The following LRRTM4 variants were observed in gnomAD, a reference collection of about 807,000 sequenced individuals.
LRRTM4 encodes leucine-rich repeat transmembrane neuronal protein 4.
LRRTM4 carries 25 observed loss-of-function variants against 47.6 expected under a neutral mutation model. The observed-to-expected ratio is 0.53, with a 90% confidence interval of 0.38 to 0.73. LRRTM4 has a LOEUF of 0.73. Ranked by LOEUF, LRRTM4 falls within the 30% of genes least tolerant of loss-of-function variation. The pLI, the probability that LRRTM4 is intolerant of heterozygous loss-of-function variation, is 0.00. For missense variants in LRRTM4, 638 were observed against 713.4 expected (o/e 0.89, Z 1.20); for synonymous variants, 311 against 269.5 (o/e 1.15, Z -1.51).
chr2:77,036,898 T>C (rs990196933), intron 3 of LRRTM4, among the ~76,000 whole-genome samples: 7 of 151,734 alleles, frequency 4.6e-5, no homozygotes, highest in African/African-American at 1.7e-4. Flanking sequence ...ATATAGATTA[T>C]TTATTAACCT....
chr2:76,999,512 C>T (rs1396445978), intron 3 of LRRTM4, among the ~76,000 whole-genome samples: 2 of 151,778 alleles, frequency 1.3e-5, no homozygotes, highest in African/African-American at 4.8e-5. Flanking sequence ...AACAGTTTCT[C>T]TCAATTTTTA....
chr2:76,944,135 A>T (rs1408171531), intron 3 of LRRTM4, among the ~76,000 whole-genome samples: 1 of 151,598 alleles, frequency 6.6e-6, no homozygotes, highest in East Asian at 2.0e-4. Context: ...ATCTCTTCTT[A>T]CTCTATTCTG....
intron 3 of LRRTM4, among the ~76,000 whole-genome samples, chr2:77,440,967 C>A (rs1675816212): frequency 6.6e-6 from 1 of 152,202 alleles, no homozygotes; most frequent in Non-Finnish European, 1.5e-5. Flanking sequence ...TGTGCAATTG[C>A]ACATGTTGTA....
chr2:77,213,607 A>C (rs1373844497), intron 3 of LRRTM4, among the ~76,000 whole-genome samples: 1 of 152,198 alleles, frequency 6.6e-6, no homozygotes, highest in Non-Finnish European at 1.5e-5. Flanking sequence ...ATTTTCCAAC[A>C]ACAAAAGATA....
intron 3 of LRRTM4, among the ~76,000 whole-genome samples, chr2:77,272,816 A>G (rs1276291250): frequency 6.6e-6 from 1 of 152,140 alleles, no homozygotes; most frequent in Non-Finnish European, 1.5e-5. Flanking sequence ...GATCTCTTGC[A>G]CATACTGGAG....
chr2:77,150,098 T>C (rs1247320399), intron 3 of LRRTM4, among the ~76,000 whole-genome samples: 1 of 152,074 alleles, frequency 6.6e-6, no homozygotes, highest in Non-Finnish European at 1.5e-5. Context: ...TGATACAGAA[T>C]TTGAACCTTA....
chr2:77,291,557 A>T (rs1332134259), intron 3 of LRRTM4, among the ~76,000 whole-genome samples: 1 of 152,130 alleles, frequency 6.6e-6, no homozygotes, highest in Non-Finnish European at 1.5e-5. Context: ...ATATAACAGC[A>T]TTCACATACA....
At chr2:76,784,995 TCC>T (rs1383762536) in intron 3 of LRRTM4, among the ~76,000 whole-genome samples, 22 of 152,014 alleles carry the variant, frequency 1.4e-4, no homozygotes, top group African/African-American at 5.3e-4. Context: ...TTTCATTTTA[TCC>T]AAATTTCATA....
chr2:76,900,456 A>G (rs1673586258), intron 3 of LRRTM4, among the ~76,000 whole-genome samples: 1 of 152,102 alleles, frequency 6.6e-6, no homozygotes, highest in South Asian at 2.1e-4. Flanking sequence ...ACATTAAGTT[A>G]TATATTTATG....
chr2:76,749,003 C>T (rs1641191950), intron 3 of LRRTM4, 87 bp from the exon 4 acceptor site: 13 of 1,056,164 alleles, frequency 1.2e-5, no homozygotes, highest in Non-Finnish European at 1.8e-5. Flanking sequence ...TTTTTGTTCT[C>T]TTTCATGCTG....
At chr2:77,251,804 G>T (rs939549233) in intron 3 of LRRTM4, among the ~76,000 whole-genome samples, 1 of 152,018 alleles carries the variant, frequency 6.6e-6, no homozygotes, top group Non-Finnish European at 1.5e-5. Flanking sequence ...CACATACATG[G>T]TATTTTGTTG....
intron 3 of LRRTM4, among the ~76,000 whole-genome samples, chr2:76,882,021 T>G (rs530073524): frequency 2.0e-5 from 3 of 152,286 alleles, no homozygotes; most frequent in Admixed American, 2.0e-4. Flanking sequence ...ATATTACTGA[T>G]AAACCACAAT....
chr2:76,906,305 T>A (rs1035280153), intron 3 of LRRTM4, among the ~76,000 whole-genome samples: 1 of 152,000 alleles, frequency 6.6e-6, no homozygotes, highest in Non-Finnish European at 1.5e-5. Context: ...CTCAGAGATT[T>A]TGTCACCACC....
intron 3 of LRRTM4, among the ~76,000 whole-genome samples, chr2:77,297,529 C>T (rs938416714): frequency 6.6e-6 from 1 of 152,138 alleles, no homozygotes; most frequent in African/African-American, 2.4e-5. Context: ...CTTCCTCATG[C>T]GTGAGCTAGC....
chr2:77,023,758 A>G (rs1457802396), intron 3 of LRRTM4, among the ~76,000 whole-genome samples: 1 of 152,202 alleles, frequency 6.6e-6, no homozygotes, highest in Non-Finnish European at 1.5e-5. Context: ...ACAAGGCTCT[A>G]GGGAGTTGCA....
At chr2:77,244,053 G>A (rs1469658536) in intron 3 of LRRTM4, among the ~76,000 whole-genome samples, 3 of 130,190 alleles carry the variant, frequency 2.3e-5, no homozygotes, top group African/African-American at 6.0e-5. Flanking sequence ...AGTTTACTGA[G>A]AATGATGATT....
At chr2:77,004,300 C>T (rs1310568422) in intron 3 of LRRTM4, among the ~76,000 whole-genome samples, 2 of 152,184 alleles carry the variant, frequency 1.3e-5, no homozygotes, top group African/African-American at 4.8e-5. Context: ...CCAGGGACCC[C>T]TGCTGTGTGC....
intron 3 of LRRTM4, among the ~76,000 whole-genome samples, chr2:77,439,898 C>T (rs1416688940): frequency 6.6e-6 from 1 of 152,098 alleles, no homozygotes; most frequent in Admixed American, 6.6e-5. Flanking sequence ...CGAAGCATTG[C>T]TTTAAATGTC....
At chr2:77,363,432 G>A (rs1672316453) in intron 3 of LRRTM4, among the ~76,000 whole-genome samples, 1 of 152,178 alleles carries the variant, frequency 6.6e-6, no homozygotes, top group Non-Finnish European at 1.5e-5. Flanking sequence ...CTCCAGCGTT[G>A]TCCCTAATGA....
Sources: allele counts gnomAD v4.1 joint callset (sites outside exome capture counted in the v4.1 genomes callset), GRCh38; gene constraint gnomAD v4.1.1; transcripts MANE v1.5; gene names NCBI Gene and HGNC (gene_info 2026-07-23, HGNC 2026-07-21).